The following DCDC2 variants were observed in gnomAD, a reference collection of about 807,000 sequenced individuals.
The protein encoded by DCDC2 is doublecortin domain-containing protein 2.
DCDC2 carries 40 observed loss-of-function variants against 50.2 expected under a neutral mutation model. The ratio of observed to expected loss-of-function variants is 0.80; its 90% CI spans 0.62 to 1.04. The LOEUF (loss-of-function observed/expected upper bound fraction) is 1.04. Ranked by LOEUF, DCDC2 falls within the 50% of genes least tolerant of loss-of-function variation. The pLI, the probability that DCDC2 is intolerant of heterozygous loss-of-function variation, is 0.00. For missense variants in DCDC2, 570 were observed against 581.9 expected, an observed-to-expected ratio of 0.98 and a Z score of 0.21; for synonymous variants, 234 against 210.6, an observed-to-expected ratio of 1.11 and a Z score of -0.96.
chr6:24,325,671 T>C (rs1003910390), intron 2 of DCDC2, among the ~76,000 whole-genome samples: 5 of 149,662 alleles, frequency 3.3e-5, no homozygotes, highest in Non-Finnish European at 7.4e-5. Flanking sequence ...ATTTTTGTTA[T>C]GTTTTAATAT....
intron 7 of DCDC2, among the ~76,000 whole-genome samples, chr6:24,208,673 C>T (rs185755464): frequency 6.6e-6 from 1 of 152,224 alleles, no homozygotes; most frequent in African/African-American, 2.4e-5. Context: ...CTCAGCCCCT[C>T]TGCACTACTT....
chr6:24,285,772 C>A (rs1763591939), intron 6 of DCDC2, among the ~76,000 whole-genome samples: 1 of 152,190 alleles, frequency 6.6e-6, no homozygotes, highest in Non-Finnish European at 1.5e-5. Flanking sequence ...CTAAACATAT[C>A]ATTCCAAAGT....
At chr6:24,218,042 T>C (rs908553841) in intron 7 of DCDC2, among the ~76,000 whole-genome samples, 1 of 152,000 alleles carries the variant, frequency 6.6e-6, no homozygotes, top group African/African-American at 2.4e-5. Context: ...TTTTAAGCAA[T>C]TCTATTGGAC....
chr6:24,184,430 C>T (rs1471675859), intron 8 of DCDC2, among the ~76,000 whole-genome samples: 2 of 151,850 alleles, frequency 1.3e-5, no homozygotes, highest in South Asian at 2.1e-4. Flanking sequence ...AAAAATTAGC[C>T]GGGCTTGGTG....
chr6:24,328,657 A>G (rs1759916261), intron 2 of DCDC2, among the ~76,000 whole-genome samples: 1 of 152,078 alleles, frequency 6.6e-6, no homozygotes, highest in African/African-American at 2.4e-5. Context: ...CCCACCCTCA[A>G]TGGTCCACTG....
chr6:24,296,038 A>G (rs1351905402), intron 4 of DCDC2, among the ~76,000 whole-genome samples: 1 of 152,234 alleles, frequency 6.6e-6, no homozygotes, highest in Non-Finnish European at 1.5e-5. Flanking sequence ...AGCAAAAAGA[A>G]CAAAGCTGGA....
chr6:24,202,024 A>T (rs966183407), intron 8 of DCDC2, among the ~76,000 whole-genome samples: 3 of 152,182 alleles, frequency 2.0e-5, no homozygotes, highest in African/African-American at 4.8e-5. Flanking sequence ...GCCCAGAACC[A>T]GGCAGATTCA....
chr6:24,286,960 A>G (rs1285660232), intron 6 of DCDC2, among the ~76,000 whole-genome samples: 1 of 152,102 alleles, frequency 6.6e-6, no homozygotes, highest in Non-Finnish European at 1.5e-5. Flanking sequence ...CCCTCATACC[A>G]AGATAGTTGC....
chr6:24,198,202 T>C (rs1761489234), intron 8 of DCDC2, among the ~76,000 whole-genome samples: 1 of 152,180 alleles, frequency 6.6e-6, no homozygotes, highest in Non-Finnish European at 1.5e-5. Context: ...TTTAAAAAAA[T>C]GCTTTTCTGA....
At chr6:24,354,957 C>G (rs1315262243) in intron 1 of DCDC2, among the ~76,000 whole-genome samples, 1 of 152,258 alleles carries the variant, frequency 6.6e-6, no homozygotes, top group East Asian at 1.9e-4. Context: ...CATTTAGGGT[C>G]TAAATGAAAG....
intron 2 of DCDC2, among the ~76,000 whole-genome samples, chr6:24,340,557 A>G (rs1273259907): frequency 2.0e-5 from 3 of 152,164 alleles, no homozygotes; most frequent in South Asian, 2.1e-4. Context: ...TCCAGCTTTT[A>G]AAAACTAGCA....
intron 1 of DCDC2, among the ~76,000 whole-genome samples, chr6:24,355,865 T>C (rs779025666): frequency 7.9e-5 from 12 of 152,204 alleles, no homozygotes; most frequent in Non-Finnish European, 1.5e-4. Context: ...TTTAGTGATA[T>C]TTTGAAAAAT....
chr6:24,271,797 G>A (rs969909692), intron 7 of DCDC2, among the ~76,000 whole-genome samples: 4 of 152,220 alleles, frequency 2.6e-5, no homozygotes, highest in South Asian at 2.1e-4. Flanking sequence ...TTTATGGGGC[G>A]CTTGTATGGA....
At chr6:24,209,008 A>G (rs1430836887) in intron 7 of DCDC2, among the ~76,000 whole-genome samples, 6 of 152,242 alleles carry the variant, frequency 3.9e-5, no homozygotes, top group Non-Finnish European at 7.3e-5. Flanking sequence ...TAGGCCTTAA[A>G]TTAGAAAATT....
intron 2 of DCDC2, among the ~76,000 whole-genome samples, chr6:24,329,775 C>T (rs1759935156): frequency 6.6e-6 from 1 of 152,180 alleles, no homozygotes; most frequent in Non-Finnish European, 1.5e-5. Context: ...TATCTTCTAT[C>T]AGCATTTATT....
At chr6:24,175,393 C>T (rs74484539) in intron 9 of DCDC2, among the ~76,000 whole-genome samples, 2,482 of 152,248 alleles carry the variant, frequency 0.016, 37 homozygotes, top group South Asian at 0.034. Context: ...ATGTACAACT[C>T]ACCTTTCCCC....
intron 7 of DCDC2, among the ~76,000 whole-genome samples, chr6:24,238,037 G>A (rs114661348): frequency 0.027 from 3,463 of 128,458 alleles, 72 homozygotes; most frequent in African/African-American, 0.058. Context: ...ATATACCCCT[G>A]TAATAAACCT....
At chr6:24,221,073 C>G (rs1762109075) in intron 7 of DCDC2, among the ~76,000 whole-genome samples, 1 of 152,124 alleles carries the variant, frequency 6.6e-6, no homozygotes, top group African/African-American at 2.4e-5. Context: ...GGTGGGGACA[C>G]AGAGCCAAGC....
chr6:24,276,061 C>T lies in DCDC2; in HGVS notation c.922+1988G>A, dbSNP rs913379582. On this transcript the variant is annotated intron_variant, in intron 7 of 9. Transcript: ENST00000378454. ...ATTTTTTTTATTTGTTTTGTAGAAA[C>T]GGGTTTTGGCTATGTTGCCCAGGCT... Among the ~76,000 whole-genome samples the T allele has an allele frequency of 4.6e-5, 7 of 151,666 alleles. No homozygotes were observed. In the East Asian group the frequency reaches 1.4e-3, roughly 29 times the overall value.
Sources: gnomAD v4.1 joint callset for allele counts (sites outside exome capture counted in the v4.1 genomes callset) on GRCh38, gnomAD v4.1.1 for gene constraint, MANE v1.5 for transcripts, NCBI Gene and HGNC (gene_info 2026-07-23, HGNC 2026-07-21) for gene names.